The following ROR2 variants were observed in gnomAD, a reference collection of about 807,000 sequenced individuals.
ROR2 encodes ROR family WNT receptor 2, also known as tyrosine-protein kinase transmembrane receptor ROR2.
Under a neutral mutation model 74.9 loss-of-function variants are expected in ROR2, and 33 were observed. The observed-to-expected ratio is 0.44, with a 90% CI of 0.33 to 0.59. The LOEUF (loss-of-function observed/expected upper bound fraction) is 0.59. Ranked by LOEUF, ROR2 falls within the 20% of genes least tolerant of loss-of-function variation. The probability of loss-of-function intolerance (pLI) is 0.02; values close to 1 mark genes in which losing one functional copy is unlikely to be tolerated. For missense variants in ROR2, 1,216 were observed against 1,313.8 expected (o/e 0.93, Z 1.15); for synonymous variants, 586 against 558.7 (o/e 1.05, Z -0.69).
chr9:91,839,297 A>G (rs1455916624), intron 1 of ROR2, among the ~76,000 whole-genome samples: 1 of 101,424 alleles, frequency 9.9e-6, no homozygotes, highest in Non-Finnish European at 2.2e-5. Context: ...TGTGTGTGTA[A>G]GTACAGGCAT....
intron 1 of ROR2, among the ~76,000 whole-genome samples, chr9:91,785,111 A>ACATC (rs1826752604): frequency 6.6e-6 from 1 of 152,198 alleles, no homozygotes; most frequent in Non-Finnish European, 1.5e-5. Flanking sequence ...ACACACACAC[A>ACATC]GAGTTTGCTC....
At position 91,733,897 on chromosome 9, in the gene ROR2, C is replaced by G. The variant is rs549741956; in HGVS notation, c.623-461G>C. Among the ~76,000 whole-genome samples the G allele has an allele frequency of 2.6e-5, 4 of 152,096 alleles. No individual in the cohort carries two copies. The highest frequency in any genetic ancestry group is 5.9e-5 in the Non-Finnish European group (4 of 68,040). ...GATCTGTCTGGGGAGAAGGCTGTCC[C>G]GGAAGAGGGAGTCAGCTCAGCTCTG... is the stretch of plus-strand genomic sequence containing the variant. On this transcript the variant is annotated intron_variant, in intron 5 of 8. Transcript: ENST00000375708. The surrounding 1 kb of genome is among the most constrained non-coding windows in gnomAD (Gnocchi z 5.7).
chr9:91,806,587 G>GA (rs1339695641), intron 1 of ROR2, among the ~76,000 whole-genome samples: 1 of 150,720 alleles, frequency 6.6e-6, no homozygotes, highest in African/African-American at 2.5e-5. Context: ...GATCATATTA[G>GA]TTTTGTTTGT....
At chr9:91,840,259 G>A (rs948546220) in intron 1 of ROR2, among the ~76,000 whole-genome samples, 6 of 152,160 alleles carry the variant, frequency 3.9e-5, no homozygotes, top group Non-Finnish European at 8.8e-5. Flanking sequence ...TGCCACAACG[G>A]CCCGGGATAA....
At chr9:91,742,732 G>A (rs541772934) in intron 4 of ROR2, among the ~76,000 whole-genome samples, 7 of 152,096 alleles carry the variant, frequency 4.6e-5, no homozygotes, top group African/African-American at 9.7e-5. Flanking sequence ...AATGTATAGC[G>A]TTTACACAGT....
intron 1 of ROR2, among the ~76,000 whole-genome samples, chr9:91,804,269 G>A (rs758918740): frequency 1.2e-4 from 18 of 152,142 alleles, no homozygotes; most frequent in Non-Finnish European, 2.5e-4. Context: ...CACCACCTTT[G>A]CCTCTCTCTC....
intron 1 of ROR2, among the ~76,000 whole-genome samples, chr9:91,815,485 G>A (rs145566290): frequency 3.3e-5 from 5 of 152,322 alleles, no homozygotes; most frequent in African/African-American, 4.8e-5. Flanking sequence ...ATGTTCACAC[G>A]TAGAATGAAT....
intron 1 of ROR2, among the ~76,000 whole-genome samples, chr9:91,927,045 A>G (rs188326360): frequency 6.7e-6 from 1 of 149,034 alleles, no homozygotes; most frequent in East Asian, 2.0e-4. Context: ...AAAAGAAAAA[A>G]ATAACACGTT....
At chr9:91,730,852 T>C (rs1837213440) in intron 7 of ROR2, 58 bp downstream of exon 7, 1 of 1,611,054 alleles carries the variant, frequency 6.2e-7, no homozygotes, top group Admixed American at 1.7e-5. Context: ...CAGAACGCCC[T>C]CATCACAAGG....
At chr9:91,912,966 T>TA (rs1288150690) in intron 1 of ROR2, among the ~76,000 whole-genome samples, 2 of 152,060 alleles carry the variant, frequency 1.3e-5, no homozygotes, top group African/African-American at 4.8e-5. Context: ...CTGTCTCTAC[T>TA]AAAAATACAA....
chr9:91,904,541 G>A (rs1040026459), intron 1 of ROR2, among the ~76,000 whole-genome samples: 1 of 152,230 alleles, frequency 6.6e-6, no homozygotes, highest in Non-Finnish European at 1.5e-5. Flanking sequence ...CCAGGCAGAG[G>A]GTGGCCCAGC....
At chr9:91,796,444 A>AAG (rs944574787) in intron 1 of ROR2, among the ~76,000 whole-genome samples, 2 of 151,948 alleles carry the variant, frequency 1.3e-5, no homozygotes, top group African/African-American at 4.8e-5. Flanking sequence ...AGGAAAAAAA[A>AAG]AAAAAAAAAA....
chr9:91,867,833 C>T (rs1250296633), intron 1 of ROR2, among the ~76,000 whole-genome samples: 5 of 152,136 alleles, frequency 3.3e-5, no homozygotes, highest in Non-Finnish European at 7.3e-5. Flanking sequence ...GTAGAACCGG[C>T]ATTGGGACTG....
At chr9:91,794,829 A>C (rs1827115949) in intron 1 of ROR2, among the ~76,000 whole-genome samples, 1 of 152,178 alleles carries the variant, frequency 6.6e-6, no homozygotes, top group Non-Finnish European at 1.5e-5. Flanking sequence ...TTTAAATATT[A>C]ATGTATTATA....
chr9:91,740,418 G>T (rs995400316), intron 4 of ROR2, among the ~76,000 whole-genome samples: 1 of 151,988 alleles, frequency 6.6e-6, no homozygotes, highest in African/African-American at 2.4e-5. Context: ...CAGGCGTAGT[G>T]GTGGGTACCT....
chr9:91,890,969 A>C (rs995035496), intron 1 of ROR2, among the ~76,000 whole-genome samples: 5 of 152,154 alleles, frequency 3.3e-5, no homozygotes, highest in Non-Finnish European at 7.3e-5. Context: ...ATGCTGAACC[A>C]TCCCAGAATT....
At chr9:91,889,541 C>A (rs1399845261) in intron 1 of ROR2, among the ~76,000 whole-genome samples, 1 of 152,154 alleles carries the variant, frequency 6.6e-6, no homozygotes, top group Non-Finnish European at 1.5e-5. Flanking sequence ...GGACAGACCC[C>A]CTCACTCTGT....
In ROR2 at chr9:91,731,046, G is replaced by A. The variant is rs533620089; in HGVS notation, c.1047C>T (p.His349=). The change falls in exon 7 of 9, where the codon CAC becomes CAT. Residue 349 remains histidine (H), a synonymous_variant. Coordinates refer to ENST00000375708, the MANE Select transcript of ROR2 (RefSeq NM_004560.4). Reference sequence around the variant, plus strand: ...GCTCAGGGAAGTCTGTGCTGGACAGGTGGTGGCTGTGGGGGTGCTGCAGGG... The same window carrying A: ...GCTCAGGGAAGTCTGTGCTGGACAGATGGTGGCTGTGGGGGTGCTGCAGGG... ...PWALQHPHSH[H]LSSTDFPELG... is the part of the protein sequence containing the mutation. 154 of 1,614,176 alleles carry A rather than the reference G, an allele frequency of 9.5e-5. 1 individual carries two copies. In the South Asian group the frequency reaches 1.6e-3, roughly 17 times the overall value.
At chr9:91,776,307 C>T (rs1335765632) in intron 1 of ROR2, among the ~76,000 whole-genome samples, 1 of 152,198 alleles carries the variant, frequency 6.6e-6, no homozygotes, top group Admixed American at 6.5e-5. Context: ...AAGTACCCAC[C>T]CCACAATGTA....
Sources: allele counts gnomAD v4.1 joint callset (sites outside exome capture counted in the v4.1 genomes callset), GRCh38; gene constraint gnomAD v4.1.1; non-coding constraint Gnocchi (gnomAD v3.1); transcripts MANE v1.5; gene names NCBI Gene and HGNC (gene_info 2026-07-23, HGNC 2026-07-21).